ZNF420: variants seen among roughly 807,000 people sequenced by gnomAD.
ZNF420 encodes zinc finger protein 420, also known as ATM and p53-associated KZNF protein.
ZNF420 carries 31 observed loss-of-function variants against 44.7 expected under a neutral mutation model. The ratio of observed to expected loss-of-function variants is 0.69; its 90% confidence interval spans 0.52 to 0.94. The LOEUF is 0.94. Among genes scored for constraint, ZNF420 ranks in the 40% least tolerant of loss-of-function variants. The pLI is 0.00. For synonymous variants in ZNF420, 245 were observed against 267.4 expected (o/e 0.92, Z 0.82); for missense variants, 681 against 827.9 (o/e 0.82, Z 2.18).
In ZNF420 at chr19:37,127,576, T is replaced by C. The variant is rs780148846; in HGVS notation, c.585T>C (p.Tyr195=). Residue 195 remains tyrosine (Y), a synonymous_variant, in exon 5 of 5, where the codon TAT becomes TAC. Transcript: ENST00000337995. ...GACTTCATACTGGTGAGAAACCCTA[T>C]GCATGTAAGGAATGTGGGAAGGCCT... is the stretch of plus-strand genomic sequence containing the variant. ...HQRLHTGEKP[Y]ACKECGKAFT... is the part of the protein sequence containing the mutation. 2 of 1,614,058 alleles carry C rather than the reference T, an allele frequency of 1.2e-6. No individual in the cohort carries two copies. The highest frequency in any genetic ancestry group is 1.3e-5 in the African/African-American group (1 of 75,032).
At chr19:37,025,328 T>C in intron 1 of ZNF420, 1 of 192,474 alleles carries the variant, frequency 5.2e-6, no homozygotes, top group Admixed American at 5.7e-5. Context: ...TATTTTCTTC[T>C]TACCTGTCTG....
intron 1 of ZNF420, among the ~76,000 whole-genome samples, chr19:37,045,278 C>G (rs1722790741): frequency 6.6e-6 from 1 of 152,154 alleles, no homozygotes; most frequent in Non-Finnish European, 1.5e-5. Context: ...ATACTATTTT[C>G]AAAGCCAGTT....
chr19:37,123,093 C>T (rs1358246066), intron 4 of ZNF420, among the ~76,000 whole-genome samples: 2 of 152,190 alleles, frequency 1.3e-5, no homozygotes. Context: ...GTTACATGTC[C>T]ATTCCACCAA....
chr19:37,117,738 G>A lies in ZNF420; in HGVS notation c.137-9390G>A, dbSNP rs535197930. ...AAAAACTTTGAAATAAAAATTATAC[G>A]TATGTATAACTAGAATAACCAATGC... On this transcript the variant is annotated intron_variant, in intron 4 of 4. Transcript: ENST00000337995. Among the ~76,000 whole-genome samples, 12 of 152,176 alleles carry A rather than the reference G, an allele frequency of 7.9e-5. No individual in the cohort carries two copies. In the South Asian group the frequency reaches 1.0e-3, roughly 13 times the overall value.
chr19:37,126,842 C>T (rs962797407), intron 4 of ZNF420, among the ~76,000 whole-genome samples: 4 of 151,756 alleles, frequency 2.6e-5, no homozygotes, highest in African/African-American at 9.7e-5. Flanking sequence ...ATTACTGTAC[C>T]ATGAAATCAG....
intron 1 of ZNF420, among the ~76,000 whole-genome samples, chr19:37,065,550 A>C (rs893614088): frequency 2.6e-5 from 4 of 152,252 alleles, no homozygotes; most frequent in African/African-American, 9.6e-5. Flanking sequence ...CTTGGCTTAC[A>C]GCCAGCAAGC....
chr19:37,017,188 A>ATTCAGTCATTCAGTAAGACG (rs2074614613), intron 1 of ZNF420, among the ~76,000 whole-genome samples: 1 of 152,204 alleles, frequency 6.6e-6, no homozygotes, highest in African/African-American at 2.4e-5. Context: ...GGAACTTCTG[A>ATTCAGTCATTCAGTAAGACG]TTCAGTCATT....
In ZNF420 at chr19:37,082,777, G is replaced by A. The variant is rs187490275; in HGVS notation, c.-81+2389G>A. 8.5e-5 allele frequency among the ~76,000 whole-genome samples: 13 copies of A among 152,258 alleles called. No homozygotes were observed. The East Asian group carries it at 1.7e-3, about 20-fold the overall frequency. On this transcript the variant is annotated intron_variant, in intron 2 of 4. Transcript: ENST00000337995. ...AAAGTCGTCTACAATAACACTTCTC[G>A]TATGGTTAAGCTGCCAGCTGGAAAT...
chr19:37,037,220 T>C (rs1967371633), intron 1 of ZNF420, among the ~76,000 whole-genome samples: 1 of 152,044 alleles, frequency 6.6e-6, no homozygotes, highest in Non-Finnish European at 1.5e-5. Flanking sequence ...GGTGTCTGAG[T>C]GCCCAGAGTA....
chr19:37,108,530 C>G (rs1472557325), intron 4 of ZNF420: 1 of 152,158 alleles, frequency 6.6e-6, no homozygotes, highest in African/African-American at 2.4e-5. Context: ...AACCGTTAGA[C>G]TTGAATTTAG....
At chr19:37,053,589 TCAGCTGCA>T (rs1967682613) in intron 1 of ZNF420, among the ~76,000 whole-genome samples, 1 of 152,258 alleles carries the variant, frequency 6.6e-6, no homozygotes, top group Non-Finnish European at 1.5e-5. Flanking sequence ...GTCAGGACCC[TCAGCTGCA>T]GGTCTGTTGG....
At chr19:37,024,688 G>T (rs1029085059) in intron 1 of ZNF420, among the ~76,000 whole-genome samples, 2 of 152,106 alleles carry the variant, frequency 1.3e-5, no homozygotes, top group Non-Finnish European at 2.9e-5. Flanking sequence ...GACCTCAGGT[G>T]ATCCACCCAC....
chr19:37,084,898 G>A (rs1459181298), intron 2 of ZNF420, among the ~76,000 whole-genome samples: 4 of 151,874 alleles, frequency 2.6e-5, no homozygotes, highest in African/African-American at 9.7e-5. Flanking sequence ...AACTTGATAG[G>A]GGTTTGTAAA....
At chr19:37,079,545 A>T (rs1369307270) in intron 1 of ZNF420, among the ~76,000 whole-genome samples, 1 of 152,130 alleles carries the variant, frequency 6.6e-6, no homozygotes, top group Non-Finnish European at 1.5e-5. Flanking sequence ...GTAGTTACTT[A>T]CGAGTTCACG....
At chr19:37,034,055 A>G (rs560740311) in intron 1 of ZNF420, among the ~76,000 whole-genome samples, 18 of 149,332 alleles carry the variant, frequency 1.2e-4, no homozygotes, top group South Asian at 2.1e-4. Flanking sequence ...CGCCCAGCCT[A>G]TGTTCCATTT....
intron 4 of ZNF420, chr19:37,111,401 A>G (rs1970379884): frequency 6.6e-6 from 1 of 152,214 alleles, no homozygotes; most frequent in Non-Finnish European, 1.5e-5. Flanking sequence ...CAATTTTTGA[A>G]AATCATTTAA....
intron 1 of ZNF420, among the ~76,000 whole-genome samples, chr19:37,031,768 T>C (rs2146397853): frequency 6.6e-6 from 1 of 152,276 alleles, no homozygotes; most frequent in East Asian, 1.9e-4. Flanking sequence ...TATTATGTAT[T>C]TTTTATGTGC....
chr19:37,063,545 C>T (rs1443231772), intron 1 of ZNF420, among the ~76,000 whole-genome samples: 3 of 151,654 alleles, frequency 2.0e-5, no homozygotes, highest in East Asian at 1.9e-4. Context: ...CATAGATCTC[C>T]CCCCTCCCCC....
intron 1 of ZNF420, among the ~76,000 whole-genome samples, chr19:37,044,844 T>C (rs1967516334): frequency 1.3e-5 from 2 of 152,096 alleles, no homozygotes. Context: ...ATAATAATGA[T>C]AATAATAATG....
Sources: gnomAD v4.1 joint callset for allele counts (sites outside exome capture counted in the v4.1 genomes callset) on GRCh38, gnomAD v4.1.1 for gene constraint, MANE v1.5 for transcripts, NCBI Gene and HGNC (gene_info 2026-07-23, HGNC 2026-07-21) for gene names.